Variants in DACH1 observed in about 807,000 individuals in gnomAD.
DACH1 encodes dachshund family transcription factor 1, also known as dachshund homolog 1.
Under a neutral mutation model 54.2 loss-of-function variants are expected in DACH1, and 12 were observed. That is an observed-to-expected ratio of 0.22 (90% confidence interval 0.14 to 0.36). The LOEUF is 0.36. DACH1 is among the 10% of genes least tolerant of loss of function. The pLI is 1.00. For synonymous variants in DACH1, 386 were observed against 366.2 expected, an observed-to-expected ratio of 1.05 and a Z score of -0.62; for missense variants, 805 against 929.8, an observed-to-expected ratio of 0.87 and a Z score of 1.75.
intron 1 of DACH1, among the ~76,000 whole-genome samples, chr13:71,822,415 A>G (rs1021844794): frequency 6.6e-6 from 1 of 152,198 alleles, no homozygotes; most frequent in African/African-American, 2.4e-5. Flanking sequence ...TAAATTAAGC[A>G]AAAGTGCAAG....
intron 1 of DACH1, among the ~76,000 whole-genome samples, chr13:71,700,288 T>A (rs942336888): frequency 6.6e-6 from 1 of 151,996 alleles, no homozygotes; most frequent in Non-Finnish European, 1.5e-5. Context: ...CCAGGCATGG[T>A]GGCTCACGCC....
chr13:71,683,687 T>C (rs2138706269), intron 1 of DACH1, among the ~76,000 whole-genome samples: 1 of 152,294 alleles, frequency 6.6e-6, no homozygotes, highest in Non-Finnish European at 1.5e-5. Context: ...TTTCTCATGA[T>C]TGCTGCTCAT....
intron 2 of DACH1, among the ~76,000 whole-genome samples, chr13:71,635,564 T>C (rs181379176): frequency 4.5e-4 from 69 of 152,304 alleles, no homozygotes; most frequent in African/African-American, 1.6e-3. Flanking sequence ...AAATAGAGAA[T>C]ATAAACTATA....
intron 1 of DACH1, among the ~76,000 whole-genome samples, chr13:71,804,097 T>C (rs936607594): frequency 6.6e-6 from 1 of 152,178 alleles, no homozygotes; most frequent in African/African-American, 2.4e-5. Flanking sequence ...AGTGGGAGAA[T>C]TGCTTGAGCC....
intron 8 of DACH1, among the ~76,000 whole-genome samples, chr13:71,477,097 TA>T: frequency 3.8e-4 from 20 of 52,666 alleles, no homozygotes; most frequent in African/African-American, 1.4e-3. Context: ...TATATATATA[TA>T]TATATATTTT....
chr13:71,530,432 G>T (rs1882336130), intron 6 of DACH1, among the ~76,000 whole-genome samples: 1 of 151,512 alleles, frequency 6.6e-6, no homozygotes, highest in Admixed American at 6.6e-5. Flanking sequence ...ACATTATTTG[G>T]ACAAGGACAA....
At position 71,735,313 on chromosome 13, in the gene DACH1, T is replaced by C. The variant is rs569944448; in HGVS notation, c.849-53403A>G. ...TATACACGTATACGGGATATACGTG[T>C]ATATGGGATATACACGTATACGGGA... On this transcript the variant is annotated intron_variant, in intron 1 of 10. Coordinates refer to ENST00000613252, the MANE Select transcript of DACH1 (RefSeq NM_080759.6). 8.3e-5 allele frequency among the ~76,000 whole-genome samples: 5 copies of C among 60,552 alleles called. 1 individual carries two copies. In the East Asian group the frequency reaches 1.2e-3, roughly 15 times the overall value. 39.7% of individuals were successfully genotyped at this position (60,552 alleles called of 152,430 possible). A position where few individuals can be genotyped will look rare whatever the true frequency, so the allele number is the denominator to read the frequency against.
At chr13:71,631,672 T>G (rs1877111232) in intron 2 of DACH1, among the ~76,000 whole-genome samples, 1 of 152,168 alleles carries the variant, frequency 6.6e-6, no homozygotes, top group Non-Finnish European at 1.5e-5. Context: ...TAGAAAACCA[T>G]GGCACAGGAT....
At chr13:71,597,295 C>T (rs941432206) in intron 3 of DACH1, among the ~76,000 whole-genome samples, 2 of 152,132 alleles carry the variant, frequency 1.3e-5, no homozygotes, top group African/African-American at 2.4e-5. Context: ...CATACGTAAG[C>T]TGGCTTAACT....
intron 6 of DACH1, among the ~76,000 whole-genome samples, chr13:71,548,037 C>T (rs61957820): frequency 0.04 from 6,129 of 152,098 alleles, 146 homozygotes; most frequent in African/African-American, 0.059. Flanking sequence ...CGTGTGCACA[C>T]GTGAGGTTAT....
At chr13:71,487,368 A>G (rs186422837) in intron 7 of DACH1, among the ~76,000 whole-genome samples, 89 of 152,242 alleles carry the variant, frequency 5.8e-4, no homozygotes, top group African/African-American at 2.1e-3. Context: ...TAAAATGTGT[A>G]CATTTTAAAG....
chr13:71,613,368 A>T (rs750713175), intron 3 of DACH1, among the ~76,000 whole-genome samples: 25 of 152,310 alleles, frequency 1.6e-4, no homozygotes, highest in Middle Eastern at 6.8e-3. Context: ...GAGTCTTTTC[A>T]GGCTATGTTA....
At chr13:71,840,857 G>T (rs555597318) in intron 1 of DACH1, among the ~76,000 whole-genome samples, 2 of 152,098 alleles carry the variant, frequency 1.3e-5, no homozygotes, top group African/African-American at 4.8e-5. Context: ...TGATGTATGG[G>T]CTTGGATGAA....
intron 3 of DACH1, among the ~76,000 whole-genome samples, chr13:71,629,785 G>C (rs1876948612): frequency 6.6e-6 from 1 of 151,974 alleles, no homozygotes; most frequent in South Asian, 2.1e-4. Context: ...TTTGAGCATG[G>C]TCACTGTATT....
chr13:71,692,945 A>C (rs768467261), intron 1 of DACH1, among the ~76,000 whole-genome samples: 5 of 152,160 alleles, frequency 3.3e-5, no homozygotes, highest in Non-Finnish European at 7.3e-5. Flanking sequence ...AAATGAATCC[A>C]TCTCCCCTTC....
chr13:71,742,523 T>TACTC (rs1884434125), intron 1 of DACH1, among the ~76,000 whole-genome samples: 1 of 152,184 alleles, frequency 6.6e-6, no homozygotes. Context: ...TATTCATATT[T>TACTC]ACTCCATTGG....
intron 1 of DACH1, among the ~76,000 whole-genome samples, chr13:71,797,470 T>G (rs1887104095): frequency 1.3e-5 from 2 of 152,078 alleles, no homozygotes; most frequent in Non-Finnish European, 2.9e-5. Context: ...CCTTAAAGGG[T>G]CAAAATTTAT....
At chr13:71,443,279 C>T (rs543125396) in intron 10 of DACH1, among the ~76,000 whole-genome samples, 7 of 151,610 alleles carry the variant, frequency 4.6e-5, no homozygotes, top group Admixed American at 4.6e-4. Context: ...ATAATGATTA[C>T]TTGAAAGTTG....
At chr13:71,510,075 CT>C (rs1880656794) in intron 6 of DACH1, among the ~76,000 whole-genome samples, 2 of 152,146 alleles carry the variant, frequency 1.3e-5, no homozygotes, top group South Asian at 4.1e-4. Flanking sequence ...TTGAACATTT[CT>C]TCATTCTTGA....
Sources: allele counts gnomAD v4.1 joint callset (sites outside exome capture counted in the v4.1 genomes callset), GRCh38; gene constraint gnomAD v4.1.1; transcripts MANE v1.5; gene names NCBI Gene and HGNC (gene_info 2026-07-23, HGNC 2026-07-21).